CSE1L: variants seen among roughly 807,000 people sequenced by gnomAD.
CSE1L encodes the protein chromosome segregation 1 like.
Under a neutral mutation model 120.4 loss-of-function variants are expected in CSE1L, and 24 were observed. The ratio of observed to expected loss-of-function variants is 0.20; its 90% CI spans 0.14 to 0.28. CSE1L has a LOEUF of 0.28. CSE1L is among the 10% of genes least tolerant of loss of function. The pLI is 1.00. For missense variants in CSE1L, 830 were observed against 1,145.2 expected, an observed-to-expected ratio of 0.72 and a Z score of 3.97; for synonymous variants, 402 against 398.3, an observed-to-expected ratio of 1.01 and a Z score of -0.11.
At position 49,094,268 on chromosome 20, in the gene CSE1L, C is replaced by T; in HGVS notation, c.2576C>T (p.Thr859Ile). The T allele has an allele frequency of 1.2e-6, 2 of 1,611,942 alleles. No individual in the cohort carries two copies. The highest frequency in any genetic ancestry group is 1.7e-6 in the Non-Finnish European group (2 of 1,179,426). The change falls in exon 23 of 25, where the codon ACT becomes ATT. Residue 859 changes from threonine to isoleucine, a missense_variant. Transcript: ENST00000262982. The stretch of plus-strand genomic sequence containing the variant: ...ACAGAATGTCCCCCAATGATGGACA[C>T]TGAGTATACCAAACTGTGGTAAGTA... ...LLTECPPMMD[T>I]EYTKLWTPLL...
chr20:49,057,806 A>G (rs973909628), intron 1 of CSE1L, among the ~76,000 whole-genome samples: 1 of 151,930 alleles, frequency 6.6e-6, no homozygotes, highest in Non-Finnish European at 1.5e-5. Flanking sequence ...TAATTTTTGT[A>G]TTTTTAGTAG....
chr20:49,076,847 A>G lies in CSE1L; in HGVS notation c.1336-133A>G. 8.7e-6 allele frequency: 5 copies of G among 576,922 alleles called. No individual in the cohort carries two copies. The South Asian group carries it at 1.2e-4, about 13-fold the overall frequency. 35.7% of individuals were successfully genotyped at this position (576,922 alleles called of 1,614,324 possible). A position where few individuals can be genotyped will look rare whatever the true frequency, so the allele number is the denominator to read the frequency against. Reference sequence around the variant, plus strand: ...TACACAGCCAGTACAGTCTCATTTTATACATAAGCAATTTGTATTTTGAAG... The same window carrying G: ...TACACAGCCAGTACAGTCTCATTTTGTACATAAGCAATTTGTATTTTGAAG... On this transcript the variant is annotated intron_variant, in intron 12 of 24. Coordinates refer to ENST00000262982, the MANE Select transcript of CSE1L (RefSeq NM_001316.4).
At chr20:49,062,706 C>T (rs1411431248) in intron 2 of CSE1L, among the ~76,000 whole-genome samples, 17 of 151,716 alleles carry the variant, frequency 1.1e-4, no homozygotes, top group Admixed American at 1.1e-3. Flanking sequence ...ATAGTGACAA[C>T]TAAATGAAAT....
At chr20:49,083,266 AC>A (rs1167700703) in intron 14 of CSE1L, among the ~76,000 whole-genome samples, 1 of 150,542 alleles carries the variant, frequency 6.6e-6, no homozygotes, top group Non-Finnish European at 1.5e-5. Context: ...TGATCTACCC[AC>A]CTCGGCCTCC....
At chr20:49,066,648 G>T in intron 5 of CSE1L, 138 bp downstream of exon 5, 1 of 760,190 alleles carries the variant, frequency 1.3e-6, no homozygotes, top group Non-Finnish European at 2.1e-6. Context: ...TCTGTATTGC[G>T]TTTGTTTCTT....
chr20:49,083,083 G>A (rs1417043168), intron 14 of CSE1L, among the ~76,000 whole-genome samples: 1 of 150,906 alleles, frequency 6.6e-6, no homozygotes, highest in Non-Finnish European at 1.5e-5. Context: ...GGAGTGCAGT[G>A]GTGCAGTCTC....
At chr20:49,053,302 C>G (rs758365445) in intron 1 of CSE1L, among the ~76,000 whole-genome samples, 3 of 148,658 alleles carry the variant, frequency 2.0e-5, no homozygotes, top group Non-Finnish European at 4.4e-5. Flanking sequence ...TCCTTTAACT[C>G]AGATACACTG....
At chr20:49,092,671 A>T (rs2092110784) in intron 22 of CSE1L, among the ~76,000 whole-genome samples, 3 of 151,280 alleles carry the variant, frequency 2.0e-5, no homozygotes, top group South Asian at 2.1e-4. Flanking sequence ...GGGCAGGGGA[A>T]GGGAGGGCAG....
intron 10 of CSE1L, among the ~76,000 whole-genome samples, chr20:49,074,176 AGTGT>A (rs71184254): frequency 0.068 from 7,894 of 115,314 alleles, 275 homozygotes; most frequent in East Asian, 0.12. Flanking sequence ...ATACAACTGC[AGTGT>A]GTGTGTGTGT....
intron 1 of CSE1L, among the ~76,000 whole-genome samples, chr20:49,049,256 C>T (rs910499828): frequency 6.7e-6 from 1 of 149,366 alleles, no homozygotes; most frequent in Non-Finnish European, 1.5e-5. Flanking sequence ...CACCATCTCA[C>T]TGTGTTGCCT....
chr20:49,056,575 C>G (rs557924343), intron 1 of CSE1L, among the ~76,000 whole-genome samples: 1 of 152,090 alleles, frequency 6.6e-6, no homozygotes, highest in Non-Finnish European at 1.5e-5. Context: ...CTAATTTTAT[C>G]GTCTCACCAA....
intron 3 of CSE1L, among the ~76,000 whole-genome samples, chr20:49,065,304 GAA>G (rs73623295): frequency 0.068 from 4,977 of 73,134 alleles, 330 homozygotes; most frequent in African/African-American, 0.12. Context: ...CATATGAAAT[GAA>G]AAAAAAATTT....
chr20:49,078,370 C>T (rs541652915), intron 13 of CSE1L, among the ~76,000 whole-genome samples, 191 bp from the exon 14 acceptor site: 1 of 152,174 alleles, frequency 6.6e-6, no homozygotes, highest in Non-Finnish European at 1.5e-5. Context: ...AGTCATGAAA[C>T]AGGCATGGGG....
Position 49,092,042 on chromosome 20 carries a change from A to G in CSE1L, c.2366-4A>G. ...TGCTGATATTCTGCATCTTCTTTCA[A>G]CAGGTTTTTTAGTCTTTATTAATTT... is the stretch of plus-strand genomic sequence containing the variant. On this transcript the variant is annotated splice_polypyrimidine_tract_variant and splice_region_variant and intron_variant, in intron 21 of 24. Coordinates refer to ENST00000262982, the MANE Select transcript of CSE1L (RefSeq NM_001316.4). The G allele has an allele frequency of 6.6e-7, 1 of 1,512,662 alleles. No individual in the cohort carries two copies. Among genetic ancestry groups the G allele is most frequent in the Non-Finnish European group, 9.1e-7 (1 of 1,097,858 alleles). 93.7% of individuals were successfully genotyped at this position (1,512,662 alleles called of 1,614,324 possible). A position where few individuals can be genotyped will look rare whatever the true frequency, so the allele number is the denominator to read the frequency against.
At chr20:49,091,581 A>G (rs1423546412) in intron 21 of CSE1L, among the ~76,000 whole-genome samples, 1 of 152,054 alleles carries the variant, frequency 6.6e-6, no homozygotes, top group Non-Finnish European at 1.5e-5. Flanking sequence ...AAAACAGCCA[A>G]GCATGGTGGT....
At chr20:49,089,497 C>G (rs1283448694) in intron 18 of CSE1L, 41 bp from the exon 19 acceptor site, 1 of 1,607,420 alleles carries the variant, frequency 6.2e-7, no homozygotes, top group East Asian at 2.2e-5. Context: ...GTCAGTCATT[C>G]CTTCTGAAGC....
chr20:49,071,060 C>T, intron 8 of CSE1L, among the ~76,000 whole-genome samples: 1 of 152,170 alleles, frequency 6.6e-6, no homozygotes, highest in Non-Finnish European at 1.5e-5. Context: ...AACACTTATT[C>T]TGTGCTACTC....
chr20:49,087,059 A>G lies in CSE1L; in HGVS notation c.1724-950A>G, dbSNP rs1189900183. 2.6e-5 allele frequency among the ~76,000 whole-genome samples: 4 copies of G among 152,268 alleles called. No individual in the cohort carries two copies. In the East Asian group the frequency reaches 5.8e-4, roughly 22 times the overall value. On this transcript the variant is annotated intron_variant, in intron 16 of 24. Transcript: ENST00000262982. ...GTATTTGGGGCTCTGCTTAGTAAAC[A>G]TTTATTTTAGAAATGTTATTTGTGG...
At chr20:49,070,345 G>A (rs2091923165) in intron 8 of CSE1L, 48 bp downstream of exon 8, 1 of 881,422 alleles carries the variant, frequency 1.1e-6, no homozygotes, top group Admixed American at 2.3e-5. Context: ...TTCATTAAGA[G>A]TTATTTGGCT....
Sources: allele counts gnomAD v4.1 joint callset (sites outside exome capture counted in the v4.1 genomes callset), GRCh38; gene constraint gnomAD v4.1.1; transcripts MANE v1.5; gene names NCBI Gene and HGNC (gene_info 2026-07-23, HGNC 2026-07-21).